The following CPS1 variants were observed in gnomAD, a reference collection of about 807,000 sequenced individuals.
The protein encoded by CPS1 is carbamoyl-phosphate synthase 1.
Under a neutral mutation model 174.6 loss-of-function variants are expected in CPS1, and 109 were observed. The ratio of observed to expected loss-of-function variants is 0.62; its 90% confidence interval spans 0.53 to 0.73. The LOEUF (loss-of-function observed/expected upper bound fraction) is 0.73, where lower values mean the gene tolerates loss of function less well. CPS1 is among the 30% of genes least tolerant of loss of function. The probability of loss-of-function intolerance (pLI) is 0.00; values close to 1 mark genes in which losing one functional copy is unlikely to be tolerated. For synonymous variants in CPS1, 637 were observed against 632.0 expected (o/e 1.01, Z -0.12); for missense variants, 1,689 against 1,821.9 (o/e 0.93, Z 1.33).
intron 21 of CPS1, among the ~76,000 whole-genome samples, chr2:210,625,779 C>A (rs1699681620): frequency 6.6e-6 from 1 of 152,026 alleles, no homozygotes; most frequent in African/African-American, 2.4e-5. Flanking sequence ...CTATAAGGTC[C>A]AAACACATAG....
intron 1 of CPS1, among the ~76,000 whole-genome samples, chr2:210,523,177 T>G (rs956611565): frequency 1.1e-4 from 17 of 151,956 alleles, no homozygotes; most frequent in African/African-American, 3.9e-4. Context: ...GTGAAGTTCT[T>G]TATGTTTTTT....
chr2:210,597,277 T>A (rs2106121545), intron 13 of CPS1, among the ~76,000 whole-genome samples: 1 of 152,028 alleles, frequency 6.6e-6, no homozygotes, highest in South Asian at 2.1e-4. Context: ...ATTTTGTTAA[T>A]AATATTACTC....
chr2:210,529,554 T>G (rs951974867), intron 1 of CPS1, among the ~76,000 whole-genome samples: 1 of 152,006 alleles, frequency 6.6e-6, no homozygotes, highest in Non-Finnish European at 1.5e-5. Context: ...GAGAAAACAA[T>G]GAGGGATTCA....
intron 1 of CPS1, among the ~76,000 whole-genome samples, chr2:210,514,636 G>A (rs554584172): frequency 6.6e-6 from 1 of 151,988 alleles, no homozygotes; most frequent in East Asian, 1.9e-4. Context: ...GAGATAGTTA[G>A]ACTTCTTCTT....
chr2:210,497,097 T>A (rs6751103), intron 1 of CPS1, among the ~76,000 whole-genome samples: 1 of 152,196 alleles, frequency 6.6e-6, no homozygotes, highest in African/African-American at 2.4e-5. Context: ...GGGTATCTTC[T>A]TGTATGCTAA....
chr2:210,573,537 C>T, intron 2 of CPS1, 130 bp downstream of exon 2: 1 of 752,946 alleles, frequency 1.3e-6, no homozygotes, highest in Non-Finnish European at 2.3e-6. Context: ...TTGCACCATG[C>T]CTTGTGCATA....
intron 1 of CPS1, among the ~76,000 whole-genome samples, chr2:210,541,655 G>T (rs904885322): frequency 3.3e-5 from 5 of 152,092 alleles, no homozygotes; most frequent in Non-Finnish European, 7.4e-5. Context: ...AAAGCAAAAA[G>T]AAAATGTTCT....
intron 1 of CPS1, among the ~76,000 whole-genome samples, chr2:210,534,430 C>G (rs899788481): frequency 2.0e-5 from 3 of 152,188 alleles, no homozygotes; most frequent in Non-Finnish European, 4.4e-5. Flanking sequence ...TCCTCAAAAT[C>G]ATTACTATAT....
At chr2:210,514,626 G>T (rs1031375048) in intron 1 of CPS1, among the ~76,000 whole-genome samples, 3 of 151,902 alleles carry the variant, frequency 2.0e-5, no homozygotes, top group African/African-American at 7.2e-5. Flanking sequence ...TCAGTGAAGA[G>T]AGATAGTTAG....
At chr2:210,618,033 G>C (rs933753207) in intron 21 of CPS1, 1 of 151,998 alleles carries the variant, frequency 6.6e-6, no homozygotes, top group African/African-American at 2.4e-5. Flanking sequence ...CATACGTTCT[G>C]ATTTTTGGAC....
At chr2:210,547,867 T>G (rs1345238668) in intron 1 of CPS1, among the ~76,000 whole-genome samples, 1 of 152,032 alleles carries the variant, frequency 6.6e-6, no homozygotes, top group African/African-American at 2.4e-5. Context: ...GTGGCAATAT[T>G]TTATAACTGG....
intron 13 of CPS1, among the ~76,000 whole-genome samples, chr2:210,598,446 T>A (rs570486987): frequency 6.6e-6 from 1 of 151,820 alleles, no homozygotes; most frequent in Non-Finnish European, 1.5e-5. Flanking sequence ...AACCCAATGG[T>A]ATGCTGTCTT....
rs66825517 is a variant in CPS1 at position 210,491,307 on chromosome 2, G to GTTTT, written c.3+13569_3+13572dup. On this transcript the variant is annotated intron_variant, in intron 1 of 38. Transcript: ENST00000430249. Reference sequence around the variant, plus strand: ...GTAAAAGCATGTATTTGGTATCTGTGTTTTTTTTTTTTTTTTTTTTTTTTT... The same window carrying GTTTT: ...GTAAAAGCATGTATTTGGTATCTGTGTTTTTTTTTTTTTTTTTTTTTTTTTTTTT... Among the ~76,000 whole-genome samples the GTTTT allele has an allele frequency of 1.6e-3, 83 of 50,346 alleles. 9 individuals carry two copies. Among genetic ancestry groups the GTTTT allele is most frequent in the African/African-American group, 4.9e-3 (49 of 9,982 alleles). The allele number at this position is 50,346 out of a possible 152,430, so 33.0% of individuals were successfully genotyped here. A position where few individuals can be genotyped will look rare whatever the true frequency, so the allele number is the denominator to read the frequency against.
At chr2:210,580,331 G>A (rs1282947341) in intron 5 of CPS1, among the ~76,000 whole-genome samples, 1 of 151,982 alleles carries the variant, frequency 6.6e-6, no homozygotes, top group Non-Finnish European at 1.5e-5. Flanking sequence ...TGATAAAAGG[G>A]AAGGTTATCT....
intron 21 of CPS1, among the ~76,000 whole-genome samples, chr2:210,624,709 AATAGTGTTTTC>A (rs1351214462): frequency 6.6e-6 from 1 of 152,026 alleles, no homozygotes; most frequent in African/African-American, 2.4e-5. Context: ...TTGTTATTTA[AATAGTGTTTTC>A]ATAGTTTTGG....
chr2:210,665,086 T>C lies in CPS1; in HGVS notation c.4002+1889T>C, dbSNP rs535762070. Among the ~76,000 whole-genome samples, 520 of 152,324 alleles carry C rather than the reference T, an allele frequency of 3.4e-3. 5 individuals carry two copies. The highest frequency in any genetic ancestry group is 0.012 in the African/African-American group (494 of 41,564). The stretch of plus-strand genomic sequence containing the variant: ...CGTCTGTGTTGTTGCATCTGCACTA[T>C]GATGGGATTACCCAATTCTTTTCAA... On this transcript the variant is annotated intron_variant, in intron 33 of 37. Coordinates refer to ENST00000233072, the MANE Select transcript of CPS1 (RefSeq NM_001875.5).
Position 210,606,774 on chromosome 2 carries a change from C to G in CPS1, c.2025C>G (p.Ala675=), listed in dbSNP as rs143913650. The G allele has an allele frequency of 2.5e-6, 4 of 1,612,528 alleles. No individual in the cohort carries two copies. Among genetic ancestry groups the G allele is most frequent in the Non-Finnish European group, 3.4e-6 (4 of 1,179,060 alleles). Residue 675 remains alanine (A), a synonymous_variant, in exon 18 of 38, where the codon GCC becomes GCG. Coordinates refer to ENST00000233072, the MANE Select transcript of CPS1 (RefSeq NM_001875.5). ...VVAPAQTLSN[A]EFQMLRRTSI... is the part of the protein sequence containing the mutation. ...CTCCTGCCCAGACACTCTCCAATGC[C>G]GAGTTTCAGATGTTGAGACGTACTT...
chr2:210,507,618 G>A (rs892838751), intron 1 of CPS1, among the ~76,000 whole-genome samples: 3 of 151,172 alleles, frequency 2.0e-5, no homozygotes, highest in African/African-American at 7.3e-5. Flanking sequence ...TCAGTGTGCT[G>A]TATTCAGGAA....
chr2:210,679,026 A>G lies in CPS1; in HGVS notation c.*1041A>G, dbSNP rs1351835942. On this transcript the variant is annotated 3_prime_UTR_variant, in exon 38 of 38. Coordinates refer to ENST00000233072, the MANE Select transcript of CPS1 (RefSeq NM_001875.5). ...AAGAAAAAAGTCTCTCCCCAAGGGC[A>G]GCCTTTGTTACTTTTAAATATTTTC... 1 of 152,200 alleles carries G rather than the reference A, an allele frequency of 6.6e-6. No individual in the cohort carries two copies. Among genetic ancestry groups the G allele is most frequent in the Admixed American group, 6.5e-5 (1 of 15,276 alleles). 9.4% of individuals were successfully genotyped at this position (152,200 alleles called of 1,614,324 possible).
Sources: gnomAD v4.1 joint callset for allele counts (sites outside exome capture counted in the v4.1 genomes callset) on GRCh38, gnomAD v4.1.1 for gene constraint, MANE v1.5 for transcripts, NCBI Gene and HGNC (gene_info 2026-07-23, HGNC 2026-07-21) for gene names.